The following UNC13C variants were observed in gnomAD, a reference collection of about 807,000 sequenced individuals.
The protein encoded by UNC13C is protein unc-13 homolog C.
UNC13C carries 174 observed loss-of-function variants against 245.4 expected under a neutral mutation model. The observed-to-expected ratio is 0.71, with a 90% CI of 0.63 to 0.80. The LOEUF is 0.80. Among genes scored for constraint, UNC13C ranks in the 30% least tolerant of loss-of-function variants. The probability of loss-of-function intolerance (pLI) is 0.00; values close to 1 mark genes in which losing one functional copy is unlikely to be tolerated. For synonymous variants in UNC13C, 992 were observed against 895.1 expected (o/e 1.11, Z -1.93); for missense variants, 2,829 against 2,602.9 (o/e 1.09, Z -1.89).
At chr15:54,556,098 T>C (rs1897078707) in intron 29 of UNC13C, among the ~76,000 whole-genome samples, 1 of 152,060 alleles carries the variant, frequency 6.6e-6, no homozygotes, top group Non-Finnish European at 1.5e-5. Flanking sequence ...AAATGTAACC[T>C]AGAAGTTATT....
At chr15:53,901,055 T>C in the UNC13C span, among the ~76,000 whole-genome samples, 1 of 152,052 alleles carries the variant, frequency 6.6e-6, no homozygotes, top group East Asian at 1.9e-4. Flanking sequence ...ATATAAAGTA[T>C]AATAATAATT....
rs185828306 is a variant in UNC13C at position 54,433,722 on chromosome 15, A to G, written c.4933+18655A>G. Among the ~76,000 whole-genome samples, 8 of 152,218 alleles carry G rather than the reference A, an allele frequency of 5.3e-5. No individual in the cohort carries two copies. The East Asian group carries it at 1.4e-3, about 26-fold the overall frequency. On this transcript the variant is annotated intron_variant, in intron 19 of 32. Coordinates refer to ENST00000260323, the MANE Select transcript of UNC13C (RefSeq NM_001080534.3). ...CGCTTTTATTCAACGTAGTATTGGA[A>G]GTTCTGGCCAGGGCAATCAGATACG...
intron 30 of UNC13C, among the ~76,000 whole-genome samples, chr15:54,589,289 C>CT (rs71105821): frequency 0.038 from 2,038 of 53,326 alleles, 640 homozygotes; most frequent in African/African-American, 0.1. Context: ...TCTTCTTCTT[C>CT]TTTTTTTTTT....
intron 19 of UNC13C, among the ~76,000 whole-genome samples, chr15:54,422,043 G>A (rs1367055017): frequency 6.6e-6 from 1 of 152,006 alleles, no homozygotes; most frequent in African/African-American, 2.4e-5. Flanking sequence ...TAACTTAAAT[G>A]TTTAAAGTAA....
intron 1 of UNC13C, among the ~76,000 whole-genome samples, chr15:53,987,945 T>A (rs891079137): frequency 1.3e-5 from 2 of 152,034 alleles, no homozygotes; most frequent in African/African-American, 4.8e-5. Context: ...GTGAGCAGCT[T>A]TTGCAGGAGA....
chr15:54,051,079 C>T (rs1897250408), intron 2 of UNC13C, among the ~76,000 whole-genome samples: 1 of 152,088 alleles, frequency 6.6e-6, no homozygotes, highest in African/African-American at 2.4e-5. Flanking sequence ...TTTTTATACT[C>T]TTTTATTGTG....
chr15:54,038,288 T>G (rs1004202631), intron 2 of UNC13C, among the ~76,000 whole-genome samples: 3 of 150,944 alleles, frequency 2.0e-5, no homozygotes, highest in African/African-American at 7.3e-5. Flanking sequence ...CGTGCAACAA[T>G]GCCTGGCTAA....
At chr15:54,112,661 A>T (rs562096538) in intron 2 of UNC13C, among the ~76,000 whole-genome samples, 1 of 152,288 alleles carries the variant, frequency 6.6e-6, no homozygotes, top group Admixed American at 6.5e-5. Context: ...TTGCAGCTCA[A>T]TTTTACAGGC....
chr15:53,956,002 A>G, the UNC13C span, among the ~76,000 whole-genome samples: 3 of 152,222 alleles, frequency 2.0e-5, 1 homozygote, highest in Middle Eastern at 6.3e-3. Context: ...CAGTCATAAA[A>G]ATAATGAAAT....
intron 24 of UNC13C, among the ~76,000 whole-genome samples, chr15:54,520,238 T>C (rs1405735933): frequency 6.6e-6 from 1 of 152,108 alleles, no homozygotes; most frequent in East Asian, 1.9e-4. Flanking sequence ...ATATCACCAA[T>C]CATATTTGGT....
intron 4 of UNC13C, 30 bp downstream of exon 4, chr15:54,143,714 T>A: frequency 6.3e-7 from 1 of 1,579,988 alleles, no homozygotes; most frequent in Non-Finnish European, 8.7e-7. Context: ...TCTAATTTAT[T>A]CCATTCATAG....
At chr15:54,185,539 A>C (rs2033948612) in intron 4 of UNC13C, among the ~76,000 whole-genome samples, 1 of 151,046 alleles carries the variant, frequency 6.6e-6, no homozygotes, top group Middle Eastern at 3.4e-3. Context: ...TCCTTTCCCC[A>C]TTGCTTGTTT....
chr15:54,601,338 A>G (rs1899407924), intron 30 of UNC13C, among the ~76,000 whole-genome samples: 1 of 152,200 alleles, frequency 6.6e-6, no homozygotes. Flanking sequence ...GCCACAAACA[A>G]AATGACTTAA....
chr15:54,511,668 A>G, intron 23 of UNC13C, 85 bp from the exon 24 acceptor site: 1 of 913,626 alleles, frequency 1.1e-6, no homozygotes, highest in South Asian at 1.6e-5. Context: ...CAAGATAGCT[A>G]TTTTCCACCA....
chr15:54,231,041 T>C (rs79077106), intron 4 of UNC13C, among the ~76,000 whole-genome samples: 1,807 of 152,200 alleles, frequency 0.012, 19 homozygotes, highest in Non-Finnish European at 0.02. Flanking sequence ...GTAATGCCTA[T>C]AGTCTAATAA....
chr15:54,386,986 T>G (rs1409427661), intron 17 of UNC13C, among the ~76,000 whole-genome samples: 1 of 152,220 alleles, frequency 6.6e-6, no homozygotes, highest in Non-Finnish European at 1.5e-5. Flanking sequence ...TTTTCCTAGC[T>G]GATAAACTGT....
At chr15:54,418,960 A>G (rs1190501133) in intron 19 of UNC13C, among the ~76,000 whole-genome samples, 2 of 151,048 alleles carry the variant, frequency 1.3e-5, no homozygotes, top group East Asian at 3.9e-4. Context: ...CAACCCGCAC[A>G]CTCCCTCCTC....
Position 54,236,412 on chromosome 15 carries a change from CACTT to C in UNC13C, c.3151-17_3151-14del. The C allele has an allele frequency of 6.3e-7, 1 of 1,588,336 alleles. No individual in the cohort carries two copies. The highest frequency in any genetic ancestry group is 8.5e-7 in the Non-Finnish European group (1 of 1,171,888). On this transcript the variant is annotated splice_polypyrimidine_tract_variant and intron_variant, in intron 5 of 32. Coordinates refer to ENST00000260323, the MANE Select transcript of UNC13C (RefSeq NM_001080534.3). The stretch of plus-strand genomic sequence containing the variant: ...TAATTATTTACATTTTGTTTCCTCT[CACTT>C]CTGGAATCTTCAGGCCATGGTAAGT...
chr15:54,292,396 G>A (rs991542767), intron 10 of UNC13C, among the ~76,000 whole-genome samples: 5 of 151,834 alleles, frequency 3.3e-5, no homozygotes, highest in South Asian at 4.2e-4. Context: ...GTGAATGTTC[G>A]TGAAAACCAA....
Sources: allele counts gnomAD v4.1 joint callset (sites outside exome capture counted in the v4.1 genomes callset), GRCh38; gene constraint gnomAD v4.1.1; transcripts MANE v1.5; gene names NCBI Gene and HGNC (gene_info 2026-07-23, HGNC 2026-07-21).